Variants in RABGAP1L observed in about 807,000 individuals in gnomAD.
RABGAP1L encodes RAB GTPase activating protein 1 like.
In RABGAP1L, 63 loss-of-function variants were observed where a neutral mutation model predicts 137.7. The observed-to-expected ratio is 0.46, with a 90% CI of 0.37 to 0.56. The LOEUF is 0.56. Ranked by LOEUF, RABGAP1L falls within the 20% of genes least tolerant of loss-of-function variation. RABGAP1L has a pLI of 0.00. For synonymous variants in RABGAP1L, 431 were observed against 433.7 expected, an observed-to-expected ratio of 0.99 and a Z score of 0.08; for missense variants, 1,095 against 1,244.0, an observed-to-expected ratio of 0.88 and a Z score of 1.80.
At chr1:174,772,674 A>G (rs1686219069) in intron 18 of RABGAP1L, among the ~76,000 whole-genome samples, 1 of 151,164 alleles carries the variant, frequency 6.6e-6, no homozygotes, top group South Asian at 2.1e-4. Context: ...ACCACCATCC[A>G]TCTCCAGATC....
intron 10 of RABGAP1L, among the ~76,000 whole-genome samples, chr1:174,291,213 T>C (rs1336791130): frequency 6.6e-6 from 1 of 152,172 alleles, no homozygotes; most frequent in South Asian, 2.1e-4. Context: ...AATATTTTTC[T>C]GCATCTTTGT....
chr1:174,529,154 A>T (rs1179527620), intron 13 of RABGAP1L, among the ~76,000 whole-genome samples: 10 of 149,732 alleles, frequency 6.7e-5, no homozygotes, highest in Admixed American at 2.0e-4. Flanking sequence ...TTTGATTGGG[A>T]TGTTTCTGGG....
chr1:174,692,805 A>G (rs1190502469), intron 15 of RABGAP1L, among the ~76,000 whole-genome samples: 1 of 152,138 alleles, frequency 6.6e-6, no homozygotes, highest in African/African-American at 2.4e-5. Flanking sequence ...TGCCAACAAT[A>G]TGTATATGTT....
chr1:174,401,257 G>C (rs1166720477), intron 13 of RABGAP1L, among the ~76,000 whole-genome samples: 1 of 152,088 alleles, frequency 6.6e-6, no homozygotes, highest in Non-Finnish European at 1.5e-5. Flanking sequence ...CTACTTACTG[G>C]TTGGTGACCT....
At chr1:174,704,637 A>G (rs775383467) in intron 17 of RABGAP1L, among the ~76,000 whole-genome samples, 10 of 152,228 alleles carry the variant, frequency 6.6e-5, no homozygotes, top group Non-Finnish European at 5.9e-5. Flanking sequence ...TAATATGTTA[A>G]TTCTCCGACT....
chr1:174,369,881 A>C (rs2148995292), intron 11 of RABGAP1L, among the ~76,000 whole-genome samples: 1 of 152,338 alleles, frequency 6.6e-6, no homozygotes, highest in South Asian at 2.1e-4. Context: ...AAAGATGATG[A>C]AACATTTGTC....
chr1:174,458,024 T>A (rs1656237496), intron 13 of RABGAP1L, among the ~76,000 whole-genome samples: 1 of 152,192 alleles, frequency 6.6e-6, no homozygotes, highest in South Asian at 2.1e-4. Flanking sequence ...GGGACTATTC[T>A]TAATTCTGTG....
At chr1:174,519,713 G>A (rs1244849692) in intron 13 of RABGAP1L, among the ~76,000 whole-genome samples, 1 of 152,132 alleles carries the variant, frequency 6.6e-6, no homozygotes, top group African/African-American at 2.4e-5. Flanking sequence ...AAGAATACAT[G>A]GTACATCTAT....
chr1:174,717,835 C>T (rs917780084), intron 17 of RABGAP1L, among the ~76,000 whole-genome samples: 4 of 152,184 alleles, frequency 2.6e-5, no homozygotes, highest in Non-Finnish European at 5.9e-5. Context: ...AGCATGGTAA[C>T]AGTCCAATAC....
intron 13 of RABGAP1L, among the ~76,000 whole-genome samples, chr1:174,473,433 T>C (rs1474555384): frequency 2.6e-5 from 4 of 152,148 alleles, no homozygotes; most frequent in Admixed American, 1.3e-4. Flanking sequence ...GAGCACTAGA[T>C]GAGTCTCAGT....
chr1:174,438,484 T>C (rs183431709), intron 13 of RABGAP1L, among the ~76,000 whole-genome samples: 423 of 151,918 alleles, frequency 2.8e-3, no homozygotes, highest in Non-Finnish European at 4.6e-3. Context: ...TTTGGGAGGC[T>C]GAGGCAGGTG....
intron 13 of RABGAP1L, among the ~76,000 whole-genome samples, chr1:174,452,989 T>C (rs1207011806): frequency 6.6e-6 from 1 of 152,218 alleles, no homozygotes; most frequent in Non-Finnish European, 1.5e-5. Context: ...CATTTCTTTT[T>C]GCAAATCTAT....
At chr1:174,721,774 A>G (rs1681558443) in intron 17 of RABGAP1L, among the ~76,000 whole-genome samples, 1 of 152,238 alleles carries the variant, frequency 6.6e-6, no homozygotes. Context: ...CACTGAGTTG[A>G]TAAATGGTAT....
In RABGAP1L at chr1:174,172,202, GTGTGTGTGTGTGTGTA is replaced by G. The variant is rs369333862; in HGVS notation, c.-34+12547_-34+12562del. On this transcript the variant is annotated intron_variant, in intron 1 of 25. Coordinates refer to ENST00000681986, the MANE Select transcript of RABGAP1L (RefSeq NM_001366446.1). ...TGTGTGTGTGTGTGTGTGTGTGTGT[GTGTGTGTGTGTGTGTA>G]TATATGCCACAAATTCTTTATCTGT... 3.6e-3 allele frequency among the ~76,000 whole-genome samples: 534 copies of G among 148,380 alleles called. 8 individuals are homozygous for G. The highest frequency in any genetic ancestry group is 0.012 in the South Asian group (54 of 4,674).
chr1:174,650,329 C>A (rs1051292002), intron 14 of RABGAP1L, among the ~76,000 whole-genome samples: 43 of 152,226 alleles, frequency 2.8e-4, no homozygotes, highest in African/African-American at 1.0e-3. Flanking sequence ...GCTTTGGTAT[C>A]AGGATGATGC....
chr1:174,230,746 C>T (rs1016449165), intron 3 of RABGAP1L, among the ~76,000 whole-genome samples: 4 of 152,142 alleles, frequency 2.6e-5, no homozygotes, highest in Admixed American at 1.3e-4. Flanking sequence ...TGGTGTGACT[C>T]GGTTCCCAAG....
At chr1:174,344,531 A>G (rs1434421232) in intron 11 of RABGAP1L, among the ~76,000 whole-genome samples, 1 of 152,176 alleles carries the variant, frequency 6.6e-6, no homozygotes, top group Non-Finnish European at 1.5e-5. Context: ...CCTTGGTGTG[A>G]TCATTCACAC....
chr1:174,210,632 T>C (rs537687565), intron 1 of RABGAP1L, among the ~76,000 whole-genome samples: 5 of 152,276 alleles, frequency 3.3e-5, no homozygotes, highest in Admixed American at 3.3e-4. Context: ...CTAAAAGTTA[T>C]TGGCCTTAAA....
At chr1:174,917,181 C>T (rs1456029677) in intron 19 of RABGAP1L, among the ~76,000 whole-genome samples, 1 of 152,170 alleles carries the variant, frequency 6.6e-6, no homozygotes, top group East Asian at 1.9e-4. Context: ...CAAATGCCAT[C>T]ACATTGGCTG....
Sources: gnomAD v4.1 joint callset for allele counts (sites outside exome capture counted in the v4.1 genomes callset) on GRCh38, gnomAD v4.1.1 for gene constraint, MANE v1.5 for transcripts, NCBI Gene and HGNC (gene_info 2026-07-23, HGNC 2026-07-21) for gene names.